NTM: variants seen among roughly 807,000 people sequenced by gnomAD.
NTM encodes neurotrimin.
NTM carries 13 observed loss-of-function variants against 42.1 expected under a neutral mutation model. The observed-to-expected ratio is 0.31, with a 90% CI of 0.20 to 0.49. The LOEUF is 0.49. NTM is among the 20% of genes least tolerant of loss of function. NTM has a pLI of 0.99. For synonymous variants in NTM, 187 were observed against 179.2 expected (o/e 1.04, Z -0.35); for missense variants, 373 against 452.8 (o/e 0.82, Z 1.60).
chr11:132,055,401 C>G (rs181851435), intron 2 of NTM, among the ~76,000 whole-genome samples: 3 of 152,230 alleles, frequency 2.0e-5, no homozygotes, highest in Admixed American at 2.0e-4. Flanking sequence ...ATTATCTGGG[C>G]ATACTCAAAT....
intron 1 of NTM, among the ~76,000 whole-genome samples, chr11:131,902,614 G>A (rs1206312530): frequency 2.0e-5 from 3 of 152,208 alleles, no homozygotes; most frequent in Non-Finnish European, 2.9e-5. Flanking sequence ...TGAAATCCAT[G>A]TCTCAGTAGT....
Position 132,205,101 on chromosome 11 carries a change from C to T in NTM, c.401-6921C>T, listed in dbSNP as rs571132650. Among the ~76,000 whole-genome samples, 50 of 152,254 alleles carry T rather than the reference C, an allele frequency of 3.3e-4. 1 individual carries two copies. In the South Asian group the frequency reaches 0.01, roughly 31 times the overall value. On this transcript the variant is annotated intron_variant, in intron 3 of 8. Coordinates refer to ENST00000683400, the MANE Select transcript of NTM (RefSeq NM_001352005.2). ...AAGAGGCCTTAGCAGTGAAGCAGCC[C>T]TTGCTGTGAGAACTGCCCGGAGGAG... is the stretch of plus-strand genomic sequence containing the variant.
At chr11:132,327,378 A>C (rs2095706016) in intron 7 of NTM, among the ~76,000 whole-genome samples, 1 of 152,264 alleles carries the variant, frequency 6.6e-6, no homozygotes, top group Admixed American at 6.5e-5. Flanking sequence ...AATGGGGACT[A>C]AAGTAAACTC....
At chr11:131,766,343 A>G (rs2085094378) in intron 1 of NTM, among the ~76,000 whole-genome samples, 1 of 152,160 alleles carries the variant, frequency 6.6e-6, no homozygotes, top group South Asian at 2.1e-4. Context: ...GTGTTCGGGG[A>G]TCAGGGGCCA....
At chr11:131,899,353 T>G (rs558033274) in intron 1 of NTM, among the ~76,000 whole-genome samples, 2 of 152,208 alleles carry the variant, frequency 1.3e-5, no homozygotes, top group Non-Finnish European at 2.9e-5. Context: ...ACATAAATCA[T>G]GCACACACTT....
intron 4 of NTM, among the ~76,000 whole-genome samples, chr11:132,282,573 C>CA (rs1337659933): frequency 1.6e-4 from 25 of 151,992 alleles, no homozygotes; most frequent in Admixed American, 4.6e-4. Context: ...TCATGTTTTC[C>CA]AAAAAATATC....
intron 4 of NTM, among the ~76,000 whole-genome samples, chr11:132,254,494 C>G (rs941390614): frequency 6.6e-6 from 1 of 152,028 alleles, no homozygotes; most frequent in Non-Finnish European, 1.5e-5. Context: ...CTGCTCAGTC[C>G]TCCTAAGTGT....
intron 1 of NTM, among the ~76,000 whole-genome samples, chr11:131,735,976 G>A (rs2080381203): frequency 6.6e-6 from 1 of 151,968 alleles, no homozygotes; most frequent in African/African-American, 2.4e-5. Flanking sequence ...GGGATTAGAG[G>A]TGCACACCAA....
chr11:132,057,990 G>A (rs1187604789), intron 2 of NTM, among the ~76,000 whole-genome samples: 1 of 151,978 alleles, frequency 6.6e-6, no homozygotes, highest in African/African-American at 2.4e-5. Context: ...TCCTAGCCTT[G>A]TTCATGACTG....
chr11:132,096,645 G>C (rs920748493), intron 2 of NTM, among the ~76,000 whole-genome samples: 1 of 152,172 alleles, frequency 6.6e-6, no homozygotes, highest in Non-Finnish European at 1.5e-5. Flanking sequence ...ATTAATTACT[G>C]ACCCATCAAG....
At chr11:131,834,638 A>ATATATATATG (rs1391486200) in intron 1 of NTM, among the ~76,000 whole-genome samples, 2 of 147,162 alleles carry the variant, frequency 1.4e-5, no homozygotes, top group South Asian at 4.2e-4. Context: ...ATATATATAT[A>ATATATATATG]TATATATGTA....
In NTM at chr11:132,147,979, G is replaced by A. The variant is rs117249009; in HGVS notation, c.400+1465G>A. Among the ~76,000 whole-genome samples, 953 of 152,260 alleles carry A rather than the reference G, an allele frequency of 6.3e-3. 6 individuals are homozygous for A. Among genetic ancestry groups the A allele is most frequent in the Non-Finnish European group, 9.9e-3 (676 of 68,030 alleles). ...TGAGGCAGGGTGAGCAGGACTGAGAGGAGGACACATGAGAACAAGGTGATG... is the reference window on the plus strand; with the variant it reads ...TGAGGCAGGGTGAGCAGGACTGAGAAGAGGACACATGAGAACAAGGTGATG... On this transcript the variant is annotated intron_variant, in intron 3 of 8. Coordinates refer to ENST00000683400, the MANE Select transcript of NTM (RefSeq NM_001352005.2).
At chr11:131,603,256 C>T (rs982561419) in intron 1 of NTM, among the ~76,000 whole-genome samples, 4 of 151,912 alleles carry the variant, frequency 2.6e-5, no homozygotes, top group Non-Finnish European at 4.4e-5. Flanking sequence ...CCAACATACC[C>T]ACTTCAGAGT....
chr11:132,187,326 G>A (rs909717329), intron 3 of NTM, among the ~76,000 whole-genome samples: 1 of 151,622 alleles, frequency 6.6e-6, no homozygotes, highest in Non-Finnish European at 1.5e-5. Flanking sequence ...ACCATATCTG[G>A]CTTCTCTATA....
At chr11:131,751,628 C>T (rs1317473870) in intron 1 of NTM, among the ~76,000 whole-genome samples, 2 of 151,252 alleles carry the variant, frequency 1.3e-5, no homozygotes, top group Non-Finnish European at 2.9e-5. Context: ...GACATGGTGG[C>T]ATGTGCCAGT....
intron 4 of NTM, among the ~76,000 whole-genome samples, chr11:132,256,984 C>T (rs1351884338): frequency 6.6e-6 from 1 of 152,234 alleles, no homozygotes; most frequent in Non-Finnish European, 1.5e-5. Flanking sequence ...TGAACCCCAT[C>T]TGTCACCGCG....
chr11:131,700,932 G>A lies in NTM; in HGVS notation c.83-210632G>A, dbSNP rs114636656. Among the ~76,000 whole-genome samples the A allele has an allele frequency of 5.3e-3, 808 of 152,302 alleles. 7 individuals are homozygous for A. The highest frequency in any genetic ancestry group is 0.018 in the African/African-American group (762 of 41,578). On this transcript the variant is annotated intron_variant, in intron 1 of 8. Transcript: ENST00000683400. ...CTCTGGAGTCAGACAGCTTAGATGT[G>A]AATCCTGGTTCTGCCATTTAATAGC...
At chr11:132,041,193 G>A (rs2077131491) in intron 2 of NTM, among the ~76,000 whole-genome samples, 1 of 116,298 alleles carries the variant, frequency 8.6e-6, no homozygotes, top group Non-Finnish European at 1.7e-5. Context: ...TTTTGTTTGT[G>A]TGTGGGTGTG....
chr11:132,186,379 AG>A (rs1290067436), intron 3 of NTM, among the ~76,000 whole-genome samples: 1 of 152,194 alleles, frequency 6.6e-6, no homozygotes, highest in Non-Finnish European at 1.5e-5. Flanking sequence ...GCCTCTTTCC[AG>A]CAGCCCAAAT....
Sources: allele counts gnomAD v4.1 joint callset (sites outside exome capture counted in the v4.1 genomes callset), GRCh38; gene constraint gnomAD v4.1.1; transcripts MANE v1.5; gene names NCBI Gene and HGNC (gene_info 2026-07-23, HGNC 2026-07-21).